DLG2: variants seen among roughly 807,000 people sequenced by gnomAD.
DLG2 encodes the protein disks large homolog 2.
A neutral mutation model predicts 132.5 loss-of-function variants in DLG2; 45 were observed. The ratio of observed to expected loss-of-function variants is 0.34; its 90% CI spans 0.27 to 0.44. DLG2 has a LOEUF of 0.44. Ranked by LOEUF, DLG2 falls within the 20% of genes least tolerant of loss-of-function variation. DLG2 has a pLI of 1.00. For synonymous variants in DLG2, 424 were observed against 419.6 expected (o/e 1.01, Z -0.13); for missense variants, 1,045 against 1,196.9 (o/e 0.87, Z 1.87).
chr11:85,376,687 T>C (rs1308961461), intron 3 of DLG2, among the ~76,000 whole-genome samples: 2 of 152,176 alleles, frequency 1.3e-5, no homozygotes, highest in Non-Finnish European at 2.9e-5. Flanking sequence ...GAAAATTCCT[T>C]ACGGTATTTC....
At chr11:84,978,874 G>C (rs1260307881) in intron 6 of DLG2, among the ~76,000 whole-genome samples, 1 of 152,084 alleles carries the variant, frequency 6.6e-6, no homozygotes, top group Admixed American at 6.5e-5. Context: ...AGAGTGAACA[G>C]GCAACCTACA....
intron 3 of DLG2, among the ~76,000 whole-genome samples, chr11:85,529,666 C>T (rs1475863882): frequency 6.6e-6 from 1 of 152,166 alleles, no homozygotes; most frequent in East Asian, 1.9e-4. Context: ...ATTTACCTTT[C>T]CATTTCTATA....
chr11:84,663,829 G>A (rs918067618), intron 6 of DLG2, among the ~76,000 whole-genome samples: 3 of 152,166 alleles, frequency 2.0e-5, no homozygotes, highest in East Asian at 1.9e-4. Flanking sequence ...GACACTGGAC[G>A]ACGATCTTTT....
At chr11:85,132,738 A>G (rs1206961186) in intron 5 of DLG2, 1 of 456,728 alleles carries the variant, frequency 2.2e-6, no homozygotes, top group Admixed American at 2.3e-5. Context: ...AAAATGCTGC[A>G]CACAATAACA....
chr11:83,723,431 G>A (rs2089218742), intron 18 of DLG2, among the ~76,000 whole-genome samples: 1 of 151,966 alleles, frequency 6.6e-6, no homozygotes. Flanking sequence ...CAACAAATGA[G>A]GTGAATTTAG....
intron 6 of DLG2, among the ~76,000 whole-genome samples, chr11:84,592,440 T>C (rs1001212458): frequency 6.6e-6 from 1 of 151,964 alleles, no homozygotes; most frequent in African/African-American, 2.4e-5. Flanking sequence ...CCAAAAGCAA[T>C]GGCAACAAAA....
chr11:85,019,073 A>G (rs1482000230), intron 6 of DLG2, among the ~76,000 whole-genome samples: 1 of 152,218 alleles, frequency 6.6e-6, no homozygotes, highest in Non-Finnish European at 1.5e-5. Flanking sequence ...GAGCCACTCA[A>G]CTAAATGAGA....
chr11:84,019,327 C>T, intron 11 of DLG2, among the ~76,000 whole-genome samples: 1 of 151,982 alleles, frequency 6.6e-6, no homozygotes, highest in East Asian at 1.9e-4. Flanking sequence ...AGTTTTGTGA[C>T]CTCAAGGTTA....
chr11:84,179,494 A>C (rs1053929797), intron 8 of DLG2, among the ~76,000 whole-genome samples: 1 of 152,188 alleles, frequency 6.6e-6, no homozygotes, highest in African/African-American at 2.4e-5. Context: ...ATGAATTGTT[A>C]GATGCTCAAT....
chr11:84,677,647 G>A (rs1361556771), intron 6 of DLG2, among the ~76,000 whole-genome samples: 1 of 151,988 alleles, frequency 6.6e-6, no homozygotes, highest in African/African-American at 2.4e-5. Context: ...AGTTTGGGAG[G>A]TTGAGCTGGG....
intron 9 of DLG2, among the ~76,000 whole-genome samples, chr11:84,115,485 T>C (rs2093590007): frequency 6.6e-6 from 1 of 152,204 alleles, no homozygotes; most frequent in Non-Finnish European, 1.5e-5. Flanking sequence ...CCTTTAGTTT[T>C]GCAGGGGACA....
chr11:83,921,720 C>T (rs2077961461), intron 15 of DLG2, among the ~76,000 whole-genome samples: 1 of 152,112 alleles, frequency 6.6e-6, no homozygotes, highest in African/African-American at 2.4e-5. Flanking sequence ...TCTCTGTTTT[C>T]TTATTGCTAC....
intron 5 of DLG2, among the ~76,000 whole-genome samples, chr11:85,122,087 G>A (rs1180057529): frequency 6.6e-6 from 1 of 152,150 alleles, no homozygotes; most frequent in African/African-American, 2.4e-5. Flanking sequence ...AACACTTGTA[G>A]TACATCTGCC....
intron 6 of DLG2, among the ~76,000 whole-genome samples, chr11:84,922,667 G>C: frequency 6.6e-6 from 1 of 151,980 alleles, no homozygotes; most frequent in Admixed American, 6.6e-5. Flanking sequence ...TTAACCCCCC[G>C]GCTCTTAAAC....
chr11:83,711,872 A>T (rs940381103), intron 18 of DLG2, among the ~76,000 whole-genome samples: 11 of 152,206 alleles, frequency 7.2e-5, no homozygotes, highest in Non-Finnish European at 1.5e-5. Context: ...TCTTTTAAAG[A>T]ATTTATTTTT....
intron 18 of DLG2, among the ~76,000 whole-genome samples, chr11:83,783,072 C>T (rs1366871832): frequency 1.3e-5 from 2 of 152,166 alleles, no homozygotes; most frequent in Non-Finnish European, 2.9e-5. Flanking sequence ...TTTTCCTCTT[C>T]TTATGAAAGT....
chr11:84,834,399 C>T (rs2079441595), intron 6 of DLG2, among the ~76,000 whole-genome samples: 1 of 151,538 alleles, frequency 6.6e-6, no homozygotes, highest in South Asian at 2.1e-4. Context: ...AGGTAAACAG[C>T]TCATCTCTTT....
chr11:84,076,475 GA>G (rs1491472547), intron 10 of DLG2, among the ~76,000 whole-genome samples: 1 of 152,076 alleles, frequency 6.6e-6, no homozygotes, highest in African/African-American at 2.4e-5. Context: ...ATTTTCAAGT[GA>G]AAAAAACCTG....
At chr11:84,926,216 GTTATTAAAA>G (rs2092971332) in intron 6 of DLG2, among the ~76,000 whole-genome samples, 1 of 151,900 alleles carries the variant, frequency 6.6e-6, no homozygotes. Flanking sequence ...GTTAGAAAAG[GTTATTAAAA>G]TTGACACATC....
Sources: allele counts gnomAD v4.1 joint callset (sites outside exome capture counted in the v4.1 genomes callset), GRCh38; gene constraint gnomAD v4.1.1; transcripts MANE v1.5; gene names NCBI Gene and HGNC (gene_info 2026-07-23, HGNC 2026-07-21).